The following ACSM3 variants were observed in gnomAD, a reference collection of about 807,000 sequenced individuals.
ACSM3 encodes acyl-coenzyme A synthetase ACSM3, mitochondrial.
A neutral mutation model predicts 74.1 loss-of-function variants in ACSM3; 61 were observed. That is an observed-to-expected ratio of 0.82 (90% CI 0.67 to 1.02). ACSM3 has a LOEUF of 1.02. Ranked by LOEUF, ACSM3 falls within the 50% of genes least tolerant of loss-of-function variation. The pLI, the probability that ACSM3 is intolerant of heterozygous loss-of-function variation, is 0.00. For synonymous variants in ACSM3, 213 were observed against 241.5 expected, an observed-to-expected ratio of 0.88 and a Z score of 1.09; for missense variants, 660 against 697.0, an observed-to-expected ratio of 0.95 and a Z score of 0.60.
chr16:20,767,663 T>C (rs1406282923), intron 1 of ACSM3, among the ~76,000 whole-genome samples: 3 of 152,132 alleles, frequency 2.0e-5, no homozygotes, highest in Non-Finnish European at 4.4e-5. Flanking sequence ...GTTCTGTTCT[T>C]AAGAGCAGCC....
At chr16:20,760,028 C>T (rs149579044), upstream of ACSM3, among the ~76,000 whole-genome samples, 2 of 152,176 alleles carry the variant, frequency 1.3e-5, no homozygotes, top group East Asian at 3.9e-4. Flanking sequence ...ACAGACATGC[C>T]TCATTATACT....
At chr16:20,741,481 G>GGGGGGGGGGGGCGCGCGGGC in intron 1 of ACSM3, 1 of 1,308,414 alleles carries the variant, frequency 7.6e-7, no homozygotes, top group Non-Finnish European at 9.9e-7. Flanking sequence ...CTGGCAGCCG[G>GGGGGGGGGGGGCGCGCGGGC]CCCGCCCGCC....
At chr16:20,739,346 T>C (rs931191125) in intron 1 of ACSM3, among the ~76,000 whole-genome samples, 4 of 151,982 alleles carry the variant, frequency 2.6e-5, no homozygotes, top group African/African-American at 7.2e-5. Context: ...CAGCTAATTT[T>C]TGTATTTTTA....
Position 20,685,456 on chromosome 16 carries a change from C to T in ACSM3, c.-190+10634C>T, listed in dbSNP as rs2152319682. ...TTTTCTGCTTCAAAGAAAAAGGGCA[C>T]TTAGTAAACTAATCCACAGCCATAG... is the stretch of plus-strand genomic sequence containing the variant. On this transcript the variant is annotated intron_variant, in intron 1 of 3. Transcript: ENST00000561584. 3 of 1,509,762 alleles carry T rather than the reference C, an allele frequency of 2.0e-6. 1 individual carries two copies. In the East Asian group the frequency reaches 6.8e-5, roughly 34 times the overall value. The allele number at this position is 1,509,762 out of a possible 1,614,324, so 93.5% of individuals were successfully genotyped here. A position where few individuals can be genotyped will look rare whatever the true frequency, so the allele number is the denominator to read the frequency against.
intron 1 of ACSM3, among the ~76,000 whole-genome samples, chr16:20,739,909 A>T (rs1044384805): frequency 2.0e-5 from 3 of 152,154 alleles, no homozygotes; most frequent in African/African-American, 7.2e-5. Flanking sequence ...TTTCAAAAGC[A>T]TCCTGACAGT....
chr16:20,746,582 A>G (rs1486737863), intron 1 of ACSM3, among the ~76,000 whole-genome samples: 1 of 152,114 alleles, frequency 6.6e-6, no homozygotes, highest in East Asian at 1.9e-4. Context: ...ATGACATCCC[A>G]CCTTTCACTA....
chr16:20,738,594 G>A (rs766542574), intron 1 of ACSM3: 3 of 333,908 alleles, frequency 9.0e-6, no homozygotes, highest in African/African-American at 4.2e-5. Context: ...CATTCCCAAA[G>A]AGCAACAACT....
chr16:20,714,599 T>C (rs948819567), intron 1 of ACSM3, among the ~76,000 whole-genome samples: 9 of 151,990 alleles, frequency 5.9e-5, no homozygotes, highest in African/African-American at 2.2e-4. Flanking sequence ...CTAGCAGGAC[T>C]TAGAGAATAT....
upstream of ACSM3, among the ~76,000 whole-genome samples, chr16:20,759,078 C>T (rs1015330878): frequency 6.6e-6 from 1 of 152,082 alleles, no homozygotes; most frequent in Non-Finnish European, 1.5e-5. Flanking sequence ...GTTAGGGGTT[C>T]AGGATGAGGG....
At chr16:20,723,503 G>C (rs1307449823) in intron 1 of ACSM3, among the ~76,000 whole-genome samples, 2 of 152,054 alleles carry the variant, frequency 1.3e-5, no homozygotes, top group African/African-American at 4.8e-5. Context: ...CCCACCAACA[G>C]TGTAAAAGTG....
chr16:20,743,279 G>T (rs1171800444), intron 1 of ACSM3, among the ~76,000 whole-genome samples: 3 of 152,040 alleles, frequency 2.0e-5, no homozygotes, highest in Admixed American at 1.3e-4. Context: ...TTCCCACATA[G>T]AACAGTTACT....
exon 1 of ACSM3, chr16:20,674,672 AG>A (rs1397408124): frequency 1.3e-5 from 2 of 152,370 alleles, no homozygotes; most frequent in East Asian, 3.9e-4. Context: ...CCATGGGACT[AG>A]GGCCCTGGGG....
At chr16:20,733,384 G>A (rs1048859874) in intron 1 of ACSM3, among the ~76,000 whole-genome samples, 12 of 151,878 alleles carry the variant, frequency 7.9e-5, no homozygotes, top group African/African-American at 2.9e-4. Flanking sequence ...TTAAAATACT[G>A]TTAAAATGAG....
chr16:20,740,135 G>C (rs2079904345), intron 1 of ACSM3, among the ~76,000 whole-genome samples: 2 of 152,222 alleles, frequency 1.3e-5, no homozygotes, highest in Non-Finnish European at 2.9e-5. Context: ...GCTCATGCCT[G>C]TAATCCCAGT....
chr16:20,794,475 T>C (rs548187356), intron 12 of ACSM3, among the ~76,000 whole-genome samples: 1 of 152,284 alleles, frequency 6.6e-6, no homozygotes, highest in East Asian at 1.9e-4. Flanking sequence ...ACTGAGAGTA[T>C]TTAATCTTAT....
intron 1 of ACSM3, chr16:20,736,769 T>C: frequency 1.9e-6 from 2 of 1,066,506 alleles, no homozygotes; most frequent in South Asian, 1.6e-5. Flanking sequence ...GAGAACAGCA[T>C]AATGCAGCAC....
intron 1 of ACSM3, among the ~76,000 whole-genome samples, chr16:20,683,329 G>A (rs1348136452): frequency 6.6e-6 from 1 of 151,688 alleles, no homozygotes; most frequent in Non-Finnish European, 1.5e-5. Context: ...GTTTTCACCA[G>A]GTTGGCCAGG....
chr16:20,747,260 C>T (rs555119044), intron 1 of ACSM3, among the ~76,000 whole-genome samples: 8 of 152,226 alleles, frequency 5.3e-5, no homozygotes, highest in Non-Finnish European at 7.4e-5. Context: ...TTTCAGCTTC[C>T]GCCTTCCCCC....
chr16:20,772,762 C>T (rs899333059), intron 2 of ACSM3, among the ~76,000 whole-genome samples: 2 of 151,976 alleles, frequency 1.3e-5, no homozygotes, highest in African/African-American at 4.8e-5. Context: ...GTTACTATAG[C>T]TCTGTAGTAT....
Sources: gnomAD v4.1 joint callset for allele counts (sites outside exome capture counted in the v4.1 genomes callset) on GRCh38, gnomAD v4.1.1 for gene constraint, MANE v1.5 for transcripts, NCBI Gene and HGNC (gene_info 2026-07-23, HGNC 2026-07-21) for gene names.